Variants in LRBA observed in about 807,000 individuals in gnomAD.
LRBA encodes lipopolysaccharide-responsive and beige-like anchor protein.
A neutral mutation model predicts 330.0 loss-of-function variants in LRBA; 176 were observed. That is an observed-to-expected ratio of 0.53 (90% CI 0.47 to 0.60). LRBA has a LOEUF of 0.60. Among genes scored for constraint, LRBA ranks in the 20% least tolerant of loss-of-function variants. LRBA has a pLI of 0.00. For missense variants in LRBA, 3,259 were observed against 3,444.8 expected, an observed-to-expected ratio of 0.95 and a Z score of 1.35; for synonymous variants, 1,230 against 1,193.0, an observed-to-expected ratio of 1.03 and a Z score of -0.64.
intron 2 of LRBA, among the ~76,000 whole-genome samples, chr4:151,006,116 C>T (rs777147957): frequency 1.3e-5 from 2 of 152,114 alleles, no homozygotes; most frequent in African/African-American, 2.4e-5. Context: ...CCAAGGCAGG[C>T]GGATCACCTA....
chr4:150,854,398 G>A (rs777420031), intron 22 of LRBA, among the ~76,000 whole-genome samples: 3 of 152,048 alleles, frequency 2.0e-5, no homozygotes, highest in Non-Finnish European at 4.4e-5. Context: ...TTTGACATGG[G>A]TTCTGTATTT....
chr4:150,348,835 C>T (rs959016272), intron 48 of LRBA, among the ~76,000 whole-genome samples: 1 of 152,108 alleles, frequency 6.6e-6, no homozygotes, highest in African/African-American at 2.4e-5. Context: ...TTTTGTAACA[C>T]TACCTGTATG....
intron 34 of LRBA, among the ~76,000 whole-genome samples, chr4:150,776,536 G>GA: frequency 6.6e-6 from 1 of 152,224 alleles, no homozygotes; most frequent in African/African-American, 2.4e-5. Context: ...ATGCCCAGCT[G>GA]AACACACTGG....
intron 47 of LRBA, among the ~76,000 whole-genome samples, chr4:150,414,204 T>C (rs1018046885): frequency 2.0e-5 from 3 of 152,162 alleles, no homozygotes; most frequent in Non-Finnish European, 2.9e-5. Flanking sequence ...CAATCAGCAA[T>C]GTGATTGATA....
At chr4:150,390,337 T>C (rs1241562864) in intron 47 of LRBA, among the ~76,000 whole-genome samples, 3 of 152,178 alleles carry the variant, frequency 2.0e-5, no homozygotes, top group African/African-American at 7.2e-5. Flanking sequence ...ACTTTGGCTA[T>C]CTTTTCTGAG....
intron 47 of LRBA, among the ~76,000 whole-genome samples, chr4:150,397,170 CTAAAA>C (rs1265166154): frequency 1.3e-5 from 2 of 152,006 alleles, no homozygotes; most frequent in African/African-American, 4.8e-5. Flanking sequence ...TCTCCGAATT[CTAAAA>C]TAAAATAAAT....
intron 36 of LRBA, among the ~76,000 whole-genome samples, chr4:150,685,420 ATTTTTTTTTT>A (rs70941424): frequency 2.0e-3 from 34 of 17,420 alleles, no homozygotes; most frequent in Non-Finnish European, 2.6e-3. Flanking sequence ...ATATATATAT[ATTTTTTTTTT>A]TTTTTTTTTT....
Position 150,514,230 on chromosome 4 carries a change from G to A in LRBA, c.6331-23195C>T, listed in dbSNP as rs552931734. Among the ~76,000 whole-genome samples, 15 of 152,148 alleles carry A rather than the reference G, an allele frequency of 9.9e-5. 1 individual carries two copies. In the South Asian group the frequency reaches 2.3e-3, roughly 23 times the overall value. On this transcript the variant is annotated intron_variant, in intron 40 of 56. Transcript: ENST00000651943. ...TGGGATTACAGGCATGTGCCACCAC[G>A]CCCAGCTAATTTTGTATTTTTAGTA...
chr4:150,977,606 G>A (rs1239164368), intron 2 of LRBA, among the ~76,000 whole-genome samples: 9 of 152,102 alleles, frequency 5.9e-5, no homozygotes, highest in Admixed American at 2.6e-4. Flanking sequence ...TGAGATCCCC[G>A]ATTCTAGGCT....
At chr4:150,500,878 A>G (rs892530204) in intron 40 of LRBA, among the ~76,000 whole-genome samples, 9 of 152,244 alleles carry the variant, frequency 5.9e-5, no homozygotes, top group Admixed American at 6.5e-5. Flanking sequence ...TCCCCAGGAT[A>G]CATTTTTCCT....
At chr4:150,961,634 G>A (rs536286589) in intron 2 of LRBA, among the ~76,000 whole-genome samples, 2 of 149,464 alleles carry the variant, frequency 1.3e-5, no homozygotes, top group South Asian at 4.2e-4. Flanking sequence ...ATTTCTCTAG[G>A]AAAAGTAAGC....
intron 55 of LRBA, among the ~76,000 whole-genome samples, chr4:150,281,037 T>A (rs1747438658): frequency 6.6e-6 from 1 of 152,270 alleles, no homozygotes; most frequent in African/African-American, 2.4e-5. Context: ...GTATGAATGG[T>A]CTGCAGAAAG....
In LRBA at chr4:150,335,416, TAC is replaced by T. The variant is rs529803571; in HGVS notation, c.7363-9520_7363-9519del. Among the ~76,000 whole-genome samples the T allele has an allele frequency of 2.2e-3, 325 of 149,420 alleles. 4 individuals are homozygous for T. The highest frequency in any genetic ancestry group is 7.8e-3 in the African/African-American group (320 of 40,876). ...GTATGTGTGGCTGTGTATATATATA[TAC>T]ACACATATATACATATATATATACA... On this transcript the variant is annotated intron_variant, in intron 48 of 56. Coordinates refer to ENST00000651943, the MANE Select transcript of LRBA (RefSeq NM_001364905.1).
intron 17 of LRBA, among the ~76,000 whole-genome samples, chr4:150,878,853 G>A (rs1728047925): frequency 6.6e-6 from 1 of 150,902 alleles, no homozygotes; most frequent in Non-Finnish European, 1.5e-5. Flanking sequence ...GAATTTTTCT[G>A]GTCCAGGAAT....
rs1751334086 is a variant in LRBA, at chr4:150,437,935, C to T, written c.6781-1071G>A. On this transcript the variant is annotated intron_variant, in intron 44 of 56. Transcript: ENST00000651943. ...TACTGCTGTTGTCATTTAGGTAATA[C>T]ACGAACTCCATTAAATAGCAGGCAA... Among the ~76,000 whole-genome samples the T allele has an allele frequency of 2.0e-5, 3 of 152,284 alleles. No homozygotes were observed. The South Asian group carries it at 6.2e-4, about 32-fold the overall frequency.
chr4:150,556,958 G>C (rs528269790), intron 40 of LRBA, among the ~76,000 whole-genome samples: 1 of 152,124 alleles, frequency 6.6e-6, no homozygotes, highest in South Asian at 2.1e-4. Context: ...ACCAAAGAAA[G>C]ATAATTAAAA....
intron 51 of LRBA, among the ~76,000 whole-genome samples, chr4:150,312,852 T>C (rs1731238289): frequency 6.6e-6 from 1 of 152,086 alleles, no homozygotes; most frequent in Non-Finnish European, 1.5e-5. Context: ...TTCCCATCTA[T>C]TTTCCTAAGT....
intron 53 of LRBA, among the ~76,000 whole-genome samples, chr4:150,300,859 G>C (rs968418882): frequency 6.6e-5 from 10 of 151,978 alleles, no homozygotes; most frequent in Non-Finnish European, 1.5e-5. Flanking sequence ...GTAGCTAATA[G>C]GTCTTTAGCT....
chr4:150,522,295 ATT>A (rs1291879500), intron 40 of LRBA, among the ~76,000 whole-genome samples: 1 of 152,190 alleles, frequency 6.6e-6, no homozygotes, highest in Non-Finnish European at 1.5e-5. Context: ...AGGTATTAAT[ATT>A]TTGTTAGAGG....
Sources: gnomAD v4.1 joint callset for allele counts (sites outside exome capture counted in the v4.1 genomes callset) on GRCh38, gnomAD v4.1.1 for gene constraint, MANE v1.5 for transcripts, NCBI Gene and HGNC (gene_info 2026-07-23, HGNC 2026-07-21) for gene names.